Variants in CHRM3 observed in about 807,000 individuals in gnomAD.
CHRM3 encodes muscarinic acetylcholine receptor M3.
CHRM3 carries 11 observed loss-of-function variants against 41.8 expected under a neutral mutation model. The observed-to-expected ratio is 0.26, with a 90% CI of 0.17 to 0.44. The LOEUF is 0.44. CHRM3 is among the 20% of genes least tolerant of loss of function. CHRM3 has a pLI of 1.00. For synonymous variants in CHRM3, 297 were observed against 301.4 expected (o/e 0.99, Z 0.15); for missense variants, 571 against 745.4 (o/e 0.77, Z 2.72).
At chr1:239,674,810 C>T (rs1290566044) in intron 4 of CHRM3, among the ~76,000 whole-genome samples, 3 of 151,882 alleles carry the variant, frequency 2.0e-5, no homozygotes, top group South Asian at 2.1e-4. Flanking sequence ...GTGGATGAGC[C>T]TCTCACAAAA....
At chr1:239,481,383 G>A (rs116271304) in intron 1 of CHRM3, among the ~76,000 whole-genome samples, 622 of 151,988 alleles carry the variant, frequency 4.1e-3, no homozygotes, top group Non-Finnish European at 5.9e-3. Context: ...TTCACTTTCC[G>A]TTAGCACTGT....
intron 1 of CHRM3, among the ~76,000 whole-genome samples, chr1:239,410,705 C>A (rs1660999165): frequency 6.6e-6 from 1 of 152,184 alleles, no homozygotes; most frequent in South Asian, 2.1e-4. Flanking sequence ...CCTCCAGCAC[C>A]ATCTTTCTGT....
rs1666275472 is a variant in CHRM3 at position 239,473,580 on chromosome 1, TTAATGGCAACATTATAATAATTTTATAA to T, written c.-520-19123_-520-19096del. Among the ~76,000 whole-genome samples, 4 of 152,140 alleles carry T rather than the reference TTAATGGCAACATTATAATAATTTTATAA, an allele frequency of 2.6e-5. No individual in the cohort carries two copies. The South Asian group carries it at 8.3e-4, about 31-fold the overall frequency. ...AGTTTTACTCCTTGATATTGATATT[TTAATGGCAACATTATAATAATTTTATAA>T]TAATGAAAGCCAGAAACAACTCAAA... On this transcript the variant is annotated intron_variant, in intron 1 of 6. Coordinates refer to ENST00000676153, the MANE Select transcript of CHRM3 (RefSeq NM_001375978.1).
chr1:239,623,583 G>A (rs551649704), intron 3 of CHRM3, among the ~76,000 whole-genome samples: 1 of 87,898 alleles, frequency 1.1e-5, no homozygotes, highest in East Asian at 3.7e-4. Flanking sequence ...GTGCCATGCT[G>A]GTGCGCTGCA....
intron 5 of CHRM3, chr1:239,703,981 G>T (rs1209619336): frequency 6.6e-6 from 1 of 152,168 alleles, no homozygotes; most frequent in Non-Finnish European, 1.5e-5. Flanking sequence ...GGAAAGAGCT[G>T]GAATAACTTT....
chr1:239,505,058 T>C (rs551160311), intron 2 of CHRM3, among the ~76,000 whole-genome samples: 1 of 152,124 alleles, frequency 6.6e-6, no homozygotes, highest in African/African-American at 2.4e-5. Flanking sequence ...CAATAACTTA[T>C]GGAAAAAATA....
chr1:239,461,765 A>G (rs1428524354), intron 1 of CHRM3, among the ~76,000 whole-genome samples: 4 of 151,524 alleles, frequency 2.6e-5, no homozygotes, highest in African/African-American at 7.3e-5. Flanking sequence ...CCTGTTCCTC[A>G]CCACCGAGGA....
chr1:239,473,880 A>AG (rs1666299092), intron 1 of CHRM3, among the ~76,000 whole-genome samples: 1 of 151,804 alleles, frequency 6.6e-6, no homozygotes, highest in South Asian at 2.1e-4. Context: ...AAAAAAAAAA[A>AG]TGCCTGAGAA....
At position 239,407,417 on chromosome 1, in the gene CHRM3, T is replaced by TATATATATATATATATATATAG; in HGVS notation, c.-521+20191_-521+20192insTATATATATATATATATATAGA. 6.0e-5 allele frequency among the ~76,000 whole-genome samples: 8 copies of TATATATATATATATATATATAG among 134,212 alleles called. 1 individual carries two copies. The highest frequency in any genetic ancestry group is 1.4e-4 in the Non-Finnish European group (8 of 58,884). 88.0% of individuals were successfully genotyped at this position (134,212 alleles called of 152,430 possible). A position where few individuals can be genotyped will look rare whatever the true frequency, so the allele number is the denominator to read the frequency against. ...ACCAATGACTATAAATATATATATA[T>TATATATATATATATATATATAG]AGAGAGAGAGAGAGAGAGAGAGAGC... On this transcript the variant is annotated intron_variant, in intron 1 of 6. Coordinates refer to ENST00000676153, the MANE Select transcript of CHRM3 (RefSeq NM_001375978.1).
chr1:239,769,619 C>T (rs140345665), intron 5 of CHRM3, among the ~76,000 whole-genome samples: 13 of 151,946 alleles, frequency 8.6e-5, no homozygotes, highest in African/African-American at 1.2e-4. Context: ...ATTTGTGTGG[C>T]GCCTGTAAGC....
In CHRM3 at chr1:239,813,927, A is replaced by AAAAAAAC. The variant is rs1553274118; in HGVS notation, c.-146-13319_-146-13318insCAAAAAA. 6.2e-3 allele frequency among the ~76,000 whole-genome samples: 922 copies of AAAAAAAC among 149,266 alleles called. 31 individuals carry two copies. Among genetic ancestry groups the AAAAAAAC allele is most frequent in the African/African-American group, 0.022 (884 of 39,338 alleles). On this transcript the variant is annotated intron_variant, in intron 5 of 6. Coordinates refer to ENST00000676153, the MANE Select transcript of CHRM3 (RefSeq NM_001375978.1). ...GCGAGACTCCGTCTCAAAAAAAAAA[A>AAAAAAAC]AAAAAAACTCACAGTTGTAGACTGC...
intron 1 of CHRM3, among the ~76,000 whole-genome samples, chr1:239,466,366 TCTTAA>T (rs1228423652): frequency 6.6e-6 from 1 of 152,126 alleles, no homozygotes; most frequent in African/African-American, 2.4e-5. Context: ...TTTTTCTCTA[TCTTAA>T]CTTACTGTAA....
intron 5 of CHRM3, among the ~76,000 whole-genome samples, chr1:239,731,118 G>A (rs967119632): frequency 1.3e-5 from 2 of 151,870 alleles, no homozygotes; most frequent in African/African-American, 4.8e-5. Context: ...GGGGAAGAAG[G>A]GTGTTGATAC....
chr1:239,408,480 CG>C (rs1421435544), intron 1 of CHRM3, among the ~76,000 whole-genome samples: 5 of 145,298 alleles, frequency 3.4e-5, no homozygotes, highest in Admixed American at 7.0e-5. Context: ...GCCAAGATGG[CG>C]CCACTGCACT....
chr1:239,480,661 G>C (rs986146512), intron 1 of CHRM3, among the ~76,000 whole-genome samples: 1 of 147,848 alleles, frequency 6.8e-6, no homozygotes, highest in African/African-American at 2.5e-5. Context: ...GGTTCATGCC[G>C]TTCTCCTGCT....
At chr1:239,627,371 C>G (rs1380726378) in intron 3 of CHRM3, among the ~76,000 whole-genome samples, 1 of 122,836 alleles carries the variant, frequency 8.1e-6, no homozygotes, top group Admixed American at 8.0e-5. Context: ...CTTCCTCCAT[C>G]CTTTTATTTT....
intron 5 of CHRM3, among the ~76,000 whole-genome samples, chr1:239,690,825 A>G (rs963432105): frequency 4.6e-5 from 7 of 151,734 alleles, no homozygotes; most frequent in South Asian, 4.1e-4. Flanking sequence ...TTTTATATAT[A>G]TATATATTTC....
At chr1:239,411,717 T>C (rs576435723) in intron 1 of CHRM3, among the ~76,000 whole-genome samples, 145 of 50,352 alleles carry the variant, frequency 2.9e-3, no homozygotes, top group African/African-American at 9.1e-3. Context: ...AGAGCCTCTG[T>C]CTCAAAAAAA....
At chr1:239,646,810 A>C (rs1044818355) in intron 4 of CHRM3, among the ~76,000 whole-genome samples, 5 of 152,176 alleles carry the variant, frequency 3.3e-5, no homozygotes, top group African/African-American at 1.2e-4. Flanking sequence ...GCAGAATAAC[A>C]CTGAAAAAGC....
Sources: allele counts gnomAD v4.1 joint callset (sites outside exome capture counted in the v4.1 genomes callset), GRCh38; gene constraint gnomAD v4.1.1; transcripts MANE v1.5; gene names NCBI Gene and HGNC (gene_info 2026-07-23, HGNC 2026-07-21).